The following GRAMD1C variants were observed in gnomAD, a reference collection of about 807,000 sequenced individuals.
GRAMD1C encodes the protein protein Aster-C.
In GRAMD1C, 89 loss-of-function variants were observed where a neutral mutation model predicts 97.8. The ratio of observed to expected loss-of-function variants is 0.91; its 90% CI spans 0.77 to 1.09. The LOEUF (loss-of-function observed/expected upper bound fraction) is 1.09. Among genes scored for constraint, GRAMD1C ranks in the 50% least tolerant of loss-of-function variants. The pLI is 0.00. For missense variants in GRAMD1C, 740 were observed against 766.4 expected (o/e 0.97, Z 0.41); for synonymous variants, 256 against 267.0 (o/e 0.96, Z 0.40).
rs200062835 is a variant in GRAMD1C at position 113,833,120 on chromosome 3, C to CTT, written n.98+4855_98+4856dup. Among the ~76,000 whole-genome samples, 695 of 129,442 alleles carry CTT rather than the reference C, an allele frequency of 5.4e-3. 3 individuals carry two copies. The highest frequency in any genetic ancestry group is 9.2e-3 in the African/African-American group (319 of 34,490). The allele number at this position is 129,442 out of a possible 152,430, so 84.9% of individuals were successfully genotyped here. ...TTTTCTTTTCTTTCTTTCTTTCTTT[C>CTT]TTTTTTTTTTTTTTTGTGTGTGTGC... On this transcript the variant is annotated intron_variant and non_coding_transcript_variant, in intron 1 of 18. Coordinates refer to the GRAMD1C transcript ENST00000479212.
intron 15 of GRAMD1C, chr3:113,939,320 C>T (rs2107381313): frequency 6.6e-6 from 1 of 152,000 alleles, no homozygotes; most frequent in East Asian, 1.9e-4. Context: ...ATATATGACA[C>T]CATTAATGTA....
At chr3:113,859,920 A>G (rs1263352409) in intron 2 of GRAMD1C, among the ~76,000 whole-genome samples, 1 of 152,254 alleles carries the variant, frequency 6.6e-6, no homozygotes, top group Non-Finnish European at 1.5e-5. Flanking sequence ...CCTTGATTCC[A>G]AAACCAAAGC....
chr3:113,871,311 A>G (rs1159305838), intron 3 of GRAMD1C, among the ~76,000 whole-genome samples: 1 of 152,180 alleles, frequency 6.6e-6, no homozygotes, highest in Non-Finnish European at 1.5e-5. Flanking sequence ...TATAAGCTTA[A>G]TATATACTCA....
intron 10 of GRAMD1C, among the ~76,000 whole-genome samples, chr3:113,929,995 T>C (rs1937352280): frequency 1.3e-5 from 2 of 152,194 alleles, no homozygotes; most frequent in Non-Finnish European, 2.9e-5. Flanking sequence ...TTAATGCTTT[T>C]ATTTATACTT....
chr3:113,931,602 C>T (rs1024373963), intron 11 of GRAMD1C, among the ~76,000 whole-genome samples: 4 of 152,180 alleles, frequency 2.6e-5, no homozygotes, highest in African/African-American at 9.6e-5. Flanking sequence ...CATGATCCGC[C>T]TGCCTCAACC....
At chr3:113,876,400 T>A in intron 5 of GRAMD1C, 140 bp downstream of exon 5, 1 of 556,966 alleles carries the variant, frequency 1.8e-6, no homozygotes, top group South Asian at 3.0e-5. Flanking sequence ...TAGAATTCTG[T>A]ATGCAGTTAT....
chr3:113,896,770 G>A (rs1248576916), intron 6 of GRAMD1C, among the ~76,000 whole-genome samples: 1 of 152,108 alleles, frequency 6.6e-6, no homozygotes, highest in Non-Finnish European at 1.5e-5. Context: ...AGGTTGATCC[G>A]TGGAGTTCAT....
chr3:113,905,001 A>AT (rs1267179263), intron 8 of GRAMD1C, among the ~76,000 whole-genome samples: 1 of 151,954 alleles, frequency 6.6e-6, no homozygotes, highest in East Asian at 1.9e-4. Flanking sequence ...CGCCTGGGTA[A>AT]TTTTTTGTAT....
intron 13 of GRAMD1C, 71 bp from the exon 14 acceptor site, chr3:113,936,195 A>C: frequency 1.2e-6 from 1 of 859,604 alleles, no homozygotes; most frequent in Non-Finnish European, 1.8e-6. Context: ...AAAAATAACC[A>C]CCAAAACCCA....
upstream of GRAMD1C, among the ~76,000 whole-genome samples, chr3:113,837,108 C>T (rs1191578945): frequency 2.6e-5 from 4 of 151,188 alleles, no homozygotes; most frequent in Admixed American, 2.6e-4. Context: ...TTCCTTCCTT[C>T]CTTCCCTCTC....
intron 2 of GRAMD1C, among the ~76,000 whole-genome samples, chr3:113,861,739 A>G (rs1230855743): frequency 6.6e-6 from 1 of 152,216 alleles, no homozygotes; most frequent in Admixed American, 6.5e-5. Context: ...CAATAAACAC[A>G]TGAAAACATG....
At chr3:113,848,924 TA>T (rs1485645993) in intron 2 of GRAMD1C, among the ~76,000 whole-genome samples, 1 of 152,206 alleles carries the variant, frequency 6.6e-6, no homozygotes, top group Non-Finnish European at 1.5e-5. Context: ...AAATTTAAAA[TA>T]ATGGCAAATA....
At chr3:113,921,897 C>T (rs1937071977) in intron 10 of GRAMD1C, among the ~76,000 whole-genome samples, 1 of 151,992 alleles carries the variant, frequency 6.6e-6, no homozygotes, top group Non-Finnish European at 1.5e-5. Context: ...AATATTTTCT[C>T]CCATTCTGTA....
upstream of GRAMD1C, among the ~76,000 whole-genome samples, chr3:113,837,946 G>A (rs1430160056): frequency 6.6e-6 from 1 of 152,168 alleles, no homozygotes; most frequent in African/African-American, 2.4e-5. Flanking sequence ...TCAGTAGAAA[G>A]GAATGTCTGG....
At chr3:113,844,831 G>T in intron 2 of GRAMD1C, 182 bp downstream of exon 2, 1 of 493,400 alleles carries the variant, frequency 2.0e-6, no homozygotes, top group Non-Finnish European at 3.5e-6. Context: ...AGAATGCACT[G>T]TTGTCTGGTT....
intron 2 of GRAMD1C, among the ~76,000 whole-genome samples, chr3:113,863,163 C>A (rs1934460123): frequency 6.6e-6 from 1 of 152,074 alleles, no homozygotes; most frequent in Admixed American, 6.6e-5. Flanking sequence ...TCATAATAAG[C>A]AAAAAGTTGA....
chr3:113,862,529 C>T (rs551273999), intron 2 of GRAMD1C, among the ~76,000 whole-genome samples: 1 of 152,070 alleles, frequency 6.6e-6, no homozygotes, highest in African/African-American at 2.4e-5. Flanking sequence ...TTCAAGGCGC[C>T]CAGATTTCAT....
chr3:113,885,609 C>T, intron 6 of GRAMD1C: 6 of 1,522,114 alleles, frequency 3.9e-6, no homozygotes, highest in Middle Eastern at 1.7e-4. Context: ...ACATTCTGTC[C>T]GGTTTTTTGT....
At chr3:113,868,548 GGTT>G (rs1302859920) in intron 2 of GRAMD1C, among the ~76,000 whole-genome samples, 1 of 152,084 alleles carries the variant, frequency 6.6e-6, no homozygotes, top group Admixed American at 6.5e-5. Flanking sequence ...TGTTTATTAT[GGTT>G]GTTGTTTTTA....
Sources: allele counts gnomAD v4.1 joint callset (sites outside exome capture counted in the v4.1 genomes callset), GRCh38; gene constraint gnomAD v4.1.1; transcripts MANE v1.5; gene names NCBI Gene and HGNC (gene_info 2026-07-23, HGNC 2026-07-21).